The following RGS1 variants were observed in gnomAD, a reference collection of about 807,000 sequenced individuals.
The protein encoded by RGS1 is B-cell activation protein BL34.
A neutral mutation model predicts 22.2 loss-of-function variants in RGS1; 11 were observed. That is an observed-to-expected ratio of 0.50 (90% confidence interval 0.31 to 0.82). The LOEUF (loss-of-function observed/expected upper bound fraction) is 0.82. Ranked by LOEUF, RGS1 falls within the 40% of genes least tolerant of loss-of-function variation. The pLI is 0.04. For synonymous variants in RGS1, 81 were observed against 79.9 expected, an observed-to-expected ratio of 1.01 and a Z score of -0.07; for missense variants, 255 against 245.8, an observed-to-expected ratio of 1.04 and a Z score of -0.25.
chr1:192,578,647 T>A, intron 4 of RGS1: 1 of 535,252 alleles, frequency 1.9e-6, no homozygotes, highest in South Asian at 3.0e-5. Context: ...GTATTGTTAC[T>A]GACCAGAACT....
chr1:192,579,309 A>G lies in RGS1; in HGVS notation c.617A>G (p.Asn206Ser), dbSNP rs201993663. 1.1e-4 allele frequency: 172 copies of G among 1,612,576 alleles called. No homozygotes were observed. The highest frequency in any genetic ancestry group is 1.6e-4 in the East Asian group (7 of 44,828). The change falls in exon 5 of 5, where the codon AAT (asparagine) becomes AGT (serine). Residue 206 changes from asparagine (N) to serine (S), a missense_variant. Transcript: ENST00000367459. ...YLNLLNDLQA[N>S]SLK ...AATCTTCTAAATGACCTGCAGGCTA[A>G]TAGCCTAAAGTGACTGGTCCCTGGC...
intron 3 of RGS1, 162 bp from the exon 4 acceptor site, chr1:192,578,060 A>T: frequency 2.5e-6 from 2 of 810,600 alleles, no homozygotes; most frequent in East Asian, 2.8e-5. Context: ...ATGACTTCTC[A>T]TCTCTACAAT....
At chr1:192,575,987 A>T in intron 1 of RGS1, 58 bp downstream of exon 1, 1 of 1,591,314 alleles carries the variant, frequency 6.3e-7, no homozygotes, top group Non-Finnish European at 8.6e-7. Context: ...TAATGGCAGA[A>T]GGATTGAGAA....
At chr1:192,579,116 T>C (rs1228752102) in intron 4 of RGS1, 21 bp from the exon 5 acceptor site, 3 of 1,598,576 alleles carry the variant, frequency 1.9e-6, no homozygotes, top group Non-Finnish European at 2.6e-6. Context: ...ATATATTAGC[T>C]AACAAGGTTT....
intron 4 of RGS1, 111 bp from the exon 5 acceptor site, chr1:192,579,026 G>C (rs1292709393): frequency 1.0e-6 from 1 of 978,232 alleles, no homozygotes; most frequent in Non-Finnish European, 1.5e-6. Flanking sequence ...TATTTGAATT[G>C]ATTTAAATGA....
chr1:192,576,257 T>C (rs1662057903), intron 1 of RGS1, 28 bp from the exon 2 acceptor site: 1 of 1,469,386 alleles, frequency 6.8e-7, no homozygotes, highest in African/African-American at 1.4e-5. Context: ...TGAAGAAATA[T>C]GAATATTCAC....
chr1:192,579,341 G>C lies in RGS1; in HGVS notation c.*19G>C. 6.2e-7 allele frequency: 1 copy of C among 1,608,798 alleles called. No individual in the cohort carries two copies. Among genetic ancestry groups the C allele is most frequent in the Non-Finnish European group, 8.5e-7 (1 of 1,177,062 alleles). ...AAAGTGACTGGTCCCTGGCTGAAGG[G>C]AATTAACAGATAGTATCAAGCGCAG... is the stretch of plus-strand genomic sequence containing the variant. On this transcript the variant is annotated 3_prime_UTR_variant, in exon 5 of 5. Transcript: ENST00000367459.
At chr1:192,577,409 G>A (rs1662080742) in intron 3 of RGS1, 1 of 151,988 alleles carries the variant, frequency 6.6e-6, no homozygotes, top group Non-Finnish European at 1.5e-5. Flanking sequence ...ATGATAGAAG[G>A]ATTTTTAAGC....
In RGS1 at chr1:192,575,776, T is replaced by C. The variant is rs1239875435; in HGVS notation, c.-17T>C. On this transcript the variant is annotated 5_prime_UTR_variant, in exon 1 of 5. Transcript: ENST00000367459. ...AGCAGCAGAGACGTTGACTAGCGCA[T>C]ATTTGCTAAGAGCACCATGCGCGCA... 1.9e-6 allele frequency: 3 copies of C among 1,612,848 alleles called. No homozygotes were observed. In the Admixed American group the frequency reaches 5.0e-5, roughly 27 times the overall value.
At chr1:192,576,935 G>T in intron 3 of RGS1, 100 bp downstream of exon 3, 2 of 1,021,812 alleles carry the variant, frequency 2.0e-6, no homozygotes, top group South Asian at 1.6e-5. Context: ...GTATGCAAAA[G>T]GTTGTATTCT....
At chr1:192,576,621 A>C (rs970649018) in intron 2 of RGS1, 153 bp from the exon 3 acceptor site, 54 of 733,072 alleles carry the variant, frequency 7.4e-5, no homozygotes, top group Non-Finnish European at 1.0e-4. Context: ...AGTAACTCTA[A>C]GGGAAGTTTT....
Position 192,575,880 on chromosome 1 carries a change from A to C in RGS1, c.88A>C (p.Thr30Pro). 1 of 1,613,318 alleles carries C rather than the reference A, an allele frequency of 6.2e-7. No individual in the cohort carries two copies. The highest frequency in any genetic ancestry group is 8.5e-7 in the Non-Finnish European group (1 of 1,179,476). Residue 30 changes from threonine to proline, a missense_variant, in exon 1 of 5, where the codon ACT becomes CCT. Physicochemically the swap from Thr to Pro is conservative, Grantham distance 38. Transcript: ENST00000367459. The stretch of plus-strand genomic sequence containing the variant: ...TAACCCAAAGGAATTGAAAGGAACC[A>C]CTCATTCACTTCTAGACGACAAAAT... ...SANPKELKGT[T>P]HSLLDDKMQK...
chr1:192,576,970 T>C (rs1164474074), intron 3 of RGS1, 135 bp downstream of exon 3: 1 of 655,660 alleles, frequency 1.5e-6, no homozygotes, highest in African/African-American at 1.9e-5. Flanking sequence ...TACTGATAAC[T>C]TCAGCATAGT....
rs780939760 is a variant in RGS1 at position 192,576,368 on chromosome 1, A to G, written c.218+3A>G. The stretch of plus-strand genomic sequence containing the variant: ...AAATCTTCCAAGTCCAAGGATGTGT[A>G]AGTACACTAATACACTAAACTATCA... On this transcript the variant is annotated splice_donor_region_variant and intron_variant, in intron 2 of 4. Transcript: ENST00000367459. The G allele has an allele frequency of 6.7e-5, 106 of 1,587,836 alleles. No homozygotes were observed. The highest frequency in any genetic ancestry group is 9.2e-5 in the Non-Finnish European group (106 of 1,156,884).
Position 192,578,383 on chromosome 1 carries a change from C to A in RGS1, c.442C>A (p.Gln148Lys), listed in dbSNP as rs1274270007. ...KAFVHSDAAK[Q>K]INIDFRTRES... is the part of the protein sequence containing the mutation. The stretch of plus-strand genomic sequence containing the variant: ...ATTTGTGCATTCAGATGCTGCTAAA[C>A]AAGTGAGTATTAAGCTTATCATCAT... The change falls in exon 4 of 5, where the codon CAA becomes AAA. Residue 148 changes from glutamine (Q) to lysine (K), a missense_variant and splice_region_variant. Gln to Lys is a moderately conservative substitution (Grantham distance 53). Transcript: ENST00000367459. 1.2e-6 allele frequency: 2 copies of A among 1,612,294 alleles called. No individual in the cohort carries two copies. Among genetic ancestry groups the A allele is most frequent in the South Asian group, 1.1e-5 (1 of 91,044 alleles).
rs1229052686 is a variant in RGS1, at chr1:192,579,367, A to G, written c.*45A>G. 6.3e-7 allele frequency: 1 copy of G among 1,590,568 alleles called. No individual in the cohort carries two copies. Among genetic ancestry groups the G allele is most frequent in the Admixed American group, 1.7e-5 (1 of 57,524 alleles). On this transcript the variant is annotated 3_prime_UTR_variant, in exon 5 of 5. Transcript: ENST00000367459. The stretch of plus-strand genomic sequence containing the variant: ...AATTAACAGATAGTATCAAGCGCAG[A>G]AGGAATGTGCCAGTATGGCTCCCTG...
chr1:192,579,655 C>T lies in RGS1; in HGVS notation c.*333C>T, dbSNP rs1461251430. The T allele has an allele frequency of 4.6e-6, 1 of 215,450 alleles. No individual in the cohort carries two copies. The highest frequency in any genetic ancestry group is 1.2e-4 in the East Asian group (1 of 8,406). The allele number at this position is 215,450 out of a possible 1,614,324, so 13.3% of individuals were successfully genotyped here. On this transcript the variant is annotated 3_prime_UTR_variant, in exon 5 of 5. Transcript: ENST00000367459. The stretch of plus-strand genomic sequence containing the variant: ...TGACTAAAGTCTATGAAACTGATTA[C>T]AACAGACTGTAAGAATCAAAGTCAA...
At chr1:192,578,196 C>G (rs764173097) in intron 3 of RGS1, 26 bp from the exon 4 acceptor site, 1 of 1,584,000 alleles carries the variant, frequency 6.3e-7, no homozygotes, top group Non-Finnish European at 8.6e-7. Context: ...TAATTATCTC[C>G]CCACCCACCC....
At chr1:192,576,591 G>GT (rs34222718) in intron 2 of RGS1, 183 bp from the exon 3 acceptor site, 22,079 of 561,918 alleles carry the variant, frequency 0.039, 226 homozygotes, top group East Asian at 0.16. Context: ...TTATTGGCAG[G>GT]TTTTTTTTTT....
Sources: allele counts gnomAD v4.1 joint callset, GRCh38; gene constraint gnomAD v4.1.1; transcripts MANE v1.5; gene names NCBI Gene and HGNC (gene_info 2026-07-23, HGNC 2026-07-21).